The following CACNA1A variants were observed in gnomAD, a reference collection of about 807,000 sequenced individuals.
CACNA1A encodes calcium voltage-gated channel subunit alpha1 A, also known as voltage-dependent P/Q-type calcium channel subunit alpha-1A.
A neutral mutation model predicts 262.4 loss-of-function variants in CACNA1A; 57 were observed. The ratio of observed to expected loss-of-function variants is 0.22; its 90% CI spans 0.18 to 0.27. The LOEUF (loss-of-function observed/expected upper bound fraction) is 0.27. CACNA1A is among the 10% of genes least tolerant of loss of function. The pLI, the probability that CACNA1A is intolerant of heterozygous loss-of-function variation, is 1.00. For missense variants in CACNA1A, 2,526 were observed against 3,562.8 expected, an observed-to-expected ratio of 0.71 and a Z score of 7.41; for synonymous variants, 1,431 against 1,419.3, an observed-to-expected ratio of 1.01 and a Z score of -0.18.
At chr19:13,429,839 T>A (rs2060472847) in intron 3 of CACNA1A, among the ~76,000 whole-genome samples, 1 of 151,588 alleles carries the variant, frequency 6.6e-6, no homozygotes, top group African/African-American at 2.4e-5. Flanking sequence ...TGGAGGACAT[T>A]ATGCTCCACG....
Position 13,212,315 on chromosome 19 carries a change from G to C in CACNA1A, c.6189+69C>G, listed in dbSNP as rs1369965207. On this transcript the variant is annotated intron_variant, in intron 42 of 46. Transcript: ENST00000360228. The surrounding 1 kb of genome is among the most constrained non-coding windows in gnomAD (Gnocchi z 5.6). ...GAGCTGCAGGTGTGTGTGTGTGGGG[G>C]GCCCAGATCCCTTCCACCTGAACCA... 7 of 1,580,280 alleles carry C rather than the reference G, an allele frequency of 4.4e-6. No individual in the cohort carries two copies. In the Admixed American group the frequency reaches 5.1e-5, roughly 12 times the overall value.
At chr19:13,451,592 C>A (rs897852560) in intron 3 of CACNA1A, 2 of 152,356 alleles carry the variant, frequency 1.3e-5, no homozygotes, top group African/African-American at 4.8e-5. Context: ...TACTTCCCAG[C>A]TTCCCTTGCA....
At chr19:13,443,861 C>A (rs2060765930) in intron 3 of CACNA1A, among the ~76,000 whole-genome samples, 2 of 152,158 alleles carry the variant, frequency 1.3e-5, no homozygotes, top group African/African-American at 2.4e-5. Context: ...GTGTGACTCC[C>A]TTGTGAGCAG....
intron 3 of CACNA1A, among the ~76,000 whole-genome samples, chr19:13,394,879 G>A (rs1381475365): frequency 2.0e-5 from 3 of 152,108 alleles, no homozygotes; most frequent in African/African-American, 7.2e-5. Context: ...AAGGCGGGTC[G>A]TAGAAACCAG....
At chr19:13,468,768 CAG>C (rs1250757462) in intron 1 of CACNA1A, among the ~76,000 whole-genome samples, 3 of 152,174 alleles carry the variant, frequency 2.0e-5, no homozygotes, top group African/African-American at 7.2e-5. Flanking sequence ...ACCTGGGTGA[CAG>C]AGCAAGACTC....
chr19:13,283,871 G>T (rs72993589), intron 21 of CACNA1A: 1 of 153,406 alleles, frequency 6.5e-6, no homozygotes, highest in African/African-American at 2.4e-5. Flanking sequence ...TAAAATAGCC[G>T]TAATACTAGT....
Position 13,241,657 on chromosome 19 carries a change from T to TGGGGGTGG in CACNA1A, c.4950+3517_4950+3524dup. On this transcript the variant is annotated intron_variant, in intron 31 of 46. Coordinates refer to ENST00000360228, the MANE Select transcript of CACNA1A (RefSeq NM_001127222.2). This position sits in a 1 kb window ranked among gnomAD's most constrained non-coding sequence, Gnocchi z 4.0. ...TGGGTTTCGGTTCCCGGGCGGGGAG[T>TGGGGGTGG]GGGGGTGGTGGTGGCGGTGGGTTGG... The TGGGGGTGG allele has an allele frequency of 2.3e-6, 1 of 432,236 alleles. No homozygotes were observed. Among genetic ancestry groups the TGGGGGTGG allele is most frequent in the Non-Finnish European group, 4.5e-6 (1 of 220,696 alleles). 26.8% of individuals were successfully genotyped at this position (432,236 alleles called of 1,614,324 possible). A position where few individuals can be genotyped will look rare whatever the true frequency, so the allele number is the denominator to read the frequency against.
intron 24 of CACNA1A, among the ~76,000 whole-genome samples, chr19:13,266,267 C>T (rs61453777): frequency 0.18 from 26,481 of 149,436 alleles, 2,458 homozygotes; most frequent in South Asian, 0.26. Context: ...AGTGCAGTGG[C>T]ACGATCATAG....
intron 3 of CACNA1A, among the ~76,000 whole-genome samples, chr19:13,435,984 C>A (rs2060605728): frequency 6.6e-6 from 1 of 152,048 alleles, no homozygotes; most frequent in South Asian, 2.1e-4. Context: ...ACCACCAAAC[C>A]CAGCTAATTT....
chr19:13,363,375 T>C (rs1228319880), intron 5 of CACNA1A: 2 of 151,334 alleles, frequency 1.3e-5, no homozygotes, highest in East Asian at 1.9e-4. Flanking sequence ...GGAGCAGAAA[T>C]AGCTCTGCCT....
At chr19:13,355,083 C>G (rs886502602) in intron 6 of CACNA1A, among the ~76,000 whole-genome samples, 2 of 152,002 alleles carry the variant, frequency 1.3e-5, no homozygotes, top group Non-Finnish European at 2.9e-5. Context: ...ACCATGTTGG[C>G]CAGGCTGGTC....
chr19:13,471,688 C>G (rs2061349495), intron 1 of CACNA1A, among the ~76,000 whole-genome samples: 1 of 152,112 alleles, frequency 6.6e-6, no homozygotes, highest in Non-Finnish European at 1.5e-5. Context: ...TCACACAGTG[C>G]CTGAATTCAT....
At position 13,235,230 on chromosome 19, in the gene CACNA1A, G is replaced by A. The variant is rs1057521708; in HGVS notation, c.5112C>T (p.Ile1704=). ...VCLLIAMLFF[I]YAIIGMQVFG... Reference sequence around the variant, plus strand: ...TCACCTGCATCCCAATGATGGCATAGATGAAGAAGAGCATGGCGATCAGCA... The same window carrying A: ...TCACCTGCATCCCAATGATGGCATAAATGAAGAAGAGCATGGCGATCAGCA... The change falls in exon 33 of 47, where the codon ATC becomes ATT. Residue 1704 remains isoleucine, a synonymous_variant. Coordinates refer to ENST00000360228, the MANE Select transcript of CACNA1A (RefSeq NM_001127222.2). 1 of 1,604,854 alleles carries A rather than the reference G, an allele frequency of 6.2e-7. No homozygotes were observed. The highest frequency in any genetic ancestry group is 1.3e-5 in the African/African-American group (1 of 74,844).
chr19:13,463,301 A>G (rs959451919), intron 1 of CACNA1A, among the ~76,000 whole-genome samples: 1 of 152,176 alleles, frequency 6.6e-6, no homozygotes, highest in Non-Finnish European at 1.5e-5. Context: ...GCCCATCTCA[A>G]GTAGGAATTA....
chr19:13,487,769 G>A (rs1303850842), intron 1 of CACNA1A, among the ~76,000 whole-genome samples: 1 of 151,804 alleles, frequency 6.6e-6, no homozygotes, highest in East Asian at 1.9e-4. Flanking sequence ...CACAGGCACT[G>A]CTTACTATCA....
intron 15 of CACNA1A, among the ~76,000 whole-genome samples, chr19:13,304,316 T>C (rs948380515): frequency 6.6e-6 from 1 of 151,952 alleles, no homozygotes; most frequent in African/African-American, 2.4e-5. Context: ...GACTTCATGA[T>C]GGTATTAGTG....
chr19:13,423,283 C>G (rs1416363042), intron 3 of CACNA1A, among the ~76,000 whole-genome samples: 2 of 152,184 alleles, frequency 1.3e-5, no homozygotes, highest in Non-Finnish European at 2.9e-5. Context: ...AGACAGCAAT[C>G]AGCACGTGGT....
chr19:13,402,479 C>A (rs548140002), intron 3 of CACNA1A, among the ~76,000 whole-genome samples: 1 of 151,740 alleles, frequency 6.6e-6, no homozygotes, highest in South Asian at 2.1e-4. Flanking sequence ...TCACAAATCT[C>A]CACTGAAGAA....
rs1383400806 is a variant in CACNA1A, at chr19:13,214,010, GT to G, written c.5940+222del. 1 of 544,974 alleles carries G rather than the reference GT, an allele frequency of 1.8e-6. No individual in the cohort carries two copies. Among genetic ancestry groups the G allele is most frequent in the African/African-American group, 1.9e-5 (1 of 52,706 alleles). 33.8% of individuals were successfully genotyped at this position (544,974 alleles called of 1,614,324 possible). A position where few individuals can be genotyped will look rare whatever the true frequency, so the allele number is the denominator to read the frequency against. ...TAATGTTTTATTTTGTAGAGATGGA[GT>G]CTCACTGTGTTGCCCAGGGTGGTCT... On this transcript the variant is annotated intron_variant, in intron 40 of 46. Transcript: ENST00000360228. The surrounding 1 kb of genome is among the most constrained non-coding windows in gnomAD (Gnocchi z 4.1).
Sources: gnomAD v4.1 joint callset for allele counts (sites outside exome capture counted in the v4.1 genomes callset) on GRCh38, gnomAD v4.1.1 for gene constraint, Gnocchi (gnomAD v3.1) non-coding constraint, MANE v1.5 for transcripts, NCBI Gene and HGNC (gene_info 2026-07-23, HGNC 2026-07-21) for gene names.